The following VRK2 variants were observed in gnomAD, a reference collection of about 807,000 sequenced individuals.
The protein encoded by VRK2 is VRK serine/threonine kinase 2.
Under a neutral mutation model 57.6 loss-of-function variants are expected in VRK2, and 60 were observed. The observed-to-expected ratio is 1.04, with a 90% CI of 0.85 to 1.29. The LOEUF is 1.29. Among genes scored for constraint, VRK2 ranks in the 50% most tolerant of loss-of-function variants. The pLI, the probability that VRK2 is intolerant of heterozygous loss-of-function variation, is 0.00. For synonymous variants in VRK2, 231 were observed against 199.2 expected, an observed-to-expected ratio of 1.16 and a Z score of -1.35; for missense variants, 705 against 588.1, an observed-to-expected ratio of 1.20 and a Z score of -2.06.
chr2:57,983,896 A>G (rs973324341), intron 1 of VRK2, among the ~76,000 whole-genome samples: 6 of 152,164 alleles, frequency 3.9e-5, no homozygotes, highest in African/African-American at 1.4e-4. Flanking sequence ...AAATTAGCCA[A>G]TCAAAGATAA....
intron 12 of VRK2, chr2:58,154,620 A>G (rs1683513820): frequency 1.6e-6 from 1 of 629,174 alleles, no homozygotes; most frequent in South Asian, 2.0e-5. Context: ...CATTCGGTTC[A>G]ATGTATTTTT....
intron 2 of VRK2, among the ~76,000 whole-genome samples, chr2:58,049,556 G>T (rs1219952616): frequency 6.6e-6 from 1 of 152,070 alleles, no homozygotes; most frequent in Non-Finnish European, 1.5e-5. Context: ...GGCTGGATAG[G>T]CCTTTACATT....
chr2:57,916,541 C>G (rs1457199603), intron 1 of VRK2, among the ~76,000 whole-genome samples: 1 of 151,788 alleles, frequency 6.6e-6, no homozygotes, highest in African/African-American at 2.4e-5. Flanking sequence ...TCCTTAAGCC[C>G]AATGATAATA....
chr2:58,056,867 G>A (rs1163221420), intron 2 of VRK2, among the ~76,000 whole-genome samples: 1 of 152,186 alleles, frequency 6.6e-6, no homozygotes, highest in East Asian at 1.9e-4. Flanking sequence ...TGGTAGACTG[G>A]AAGCGAGGAG....
At chr2:57,973,154 C>T (rs1214537944) in intron 1 of VRK2, among the ~76,000 whole-genome samples, 1 of 151,854 alleles carries the variant, frequency 6.6e-6, no homozygotes, top group East Asian at 1.9e-4. Flanking sequence ...TATAAGAGTG[C>T]CTATTTCCTC....
At chr2:58,001,301 G>A (rs1673081560) in intron 1 of VRK2, among the ~76,000 whole-genome samples, 1 of 152,012 alleles carries the variant, frequency 6.6e-6, no homozygotes, top group Admixed American at 6.6e-5. Context: ...AATACTTGTG[G>A]CTATTTCCAC....
At chr2:58,137,803 T>G (rs548932414) in intron 10 of VRK2, among the ~76,000 whole-genome samples, 26 of 152,322 alleles carry the variant, frequency 1.7e-4, no homozygotes, top group African/African-American at 6.0e-4. Context: ...AATTTCATAC[T>G]AAAGGCATTT....
At chr2:58,152,938 G>T (rs1328807774) in intron 12 of VRK2, among the ~76,000 whole-genome samples, 1 of 151,756 alleles carries the variant, frequency 6.6e-6, no homozygotes, top group Non-Finnish European at 1.5e-5. Flanking sequence ...CACCAATTTT[G>T]ACATGTACTC....
chr2:57,937,337 C>T (rs182204036), intron 1 of VRK2, among the ~76,000 whole-genome samples: 1 of 152,124 alleles, frequency 6.6e-6, no homozygotes, highest in African/African-American at 2.4e-5. Context: ...TTCAATAATC[C>T]CACTTTTCTT....
chr2:58,047,180 T>G (rs374137618), intron 1 of VRK2: 4 of 280,778 alleles, frequency 1.4e-5, no homozygotes, highest in Non-Finnish European at 1.6e-5. Flanking sequence ...TGGCGGGAAG[T>G]TGGGGCGCGG....
At chr2:57,962,584 T>G (rs182594840) in intron 1 of VRK2, among the ~76,000 whole-genome samples, 39 of 152,104 alleles carry the variant, frequency 2.6e-4, no homozygotes, top group Non-Finnish European at 1.3e-4. Context: ...CCCTCCATCC[T>G]CAAGTAGGCC....
intron 7 of VRK2, among the ~76,000 whole-genome samples, chr2:58,120,174 T>TTTTTC (rs1558661089): frequency 2.8e-5 from 4 of 142,778 alleles, no homozygotes; most frequent in East Asian, 2.0e-4. Context: ...TGTCTATTTT[T>TTTTTC]TTTTCTTTTC....
In VRK2 at chr2:58,106,158, A is replaced by G. The variant is rs372852657; in HGVS notation, c.543+16435A>G. On this transcript the variant is annotated intron_variant, in intron 7 of 12. Transcript: ENST00000340157. ...TGTGTCTTGATTAGATTGGAAATTGAGAGTATCATAGGTTTTTTCTTATAA... is the reference window on the plus strand; with the variant it reads ...TGTGTCTTGATTAGATTGGAAATTGGGAGTATCATAGGTTTTTTCTTATAA... Among the ~76,000 whole-genome samples, 67 of 152,008 alleles carry G rather than the reference A, an allele frequency of 4.4e-4. No homozygotes were observed. In the East Asian group the frequency reaches 0.011, roughly 25 times the overall value.
intron 1 of VRK2, among the ~76,000 whole-genome samples, chr2:57,952,847 C>G (rs572024459): frequency 6.6e-6 from 1 of 151,880 alleles, no homozygotes; most frequent in African/African-American, 2.4e-5. Context: ...TCCACTGAAA[C>G]CTAAAGTCTG....
Position 57,936,390 on chromosome 2 carries a change from A to C in VRK2, c.-439+28551A>C, listed in dbSNP as rs368025815. Among the ~76,000 whole-genome samples the C allele has an allele frequency of 3.5e-4, 53 of 152,324 alleles. 1 individual carries two copies. The South Asian group carries it at 0.01, about 30-fold the overall frequency. ...ACACTAAATGACTCATAATGTATTCACGTTTCATTTGCCTTACAAAAACCC... is the reference window on the plus strand; with the variant it reads ...ACACTAAATGACTCATAATGTATTCCCGTTTCATTTGCCTTACAAAAACCC... On this transcript the variant is annotated intron_variant, in intron 1 of 15. Transcript: ENST00000417641.
intron 1 of VRK2, among the ~76,000 whole-genome samples, chr2:57,991,329 TA>T (rs1204937741): frequency 3.4e-5 from 5 of 145,110 alleles, no homozygotes; most frequent in South Asian, 4.3e-4. Context: ...GGAACTACAC[TA>T]AAAAAAAGGT....
At chr2:57,977,029 T>C (rs765626654) in intron 1 of VRK2, among the ~76,000 whole-genome samples, 38 of 152,000 alleles carry the variant, frequency 2.5e-4, no homozygotes, top group Non-Finnish European at 5.1e-4. Context: ...GTTTTAGGAG[T>C]GTGGCTTTAT....
intron 4 of VRK2, among the ~76,000 whole-genome samples, chr2:58,085,664 TTAATAAAGTCTTC>T (rs1312681146): frequency 1.3e-5 from 2 of 152,002 alleles, no homozygotes; most frequent in African/African-American, 4.8e-5. Context: ...TTAGTTTTTC[TTAATAAAGTCTTC>T]TAAACATTAA....
At chr2:58,084,738 A>T (rs1671374082) in intron 3 of VRK2, 143 bp from the exon 4 acceptor site, 5 of 523,050 alleles carry the variant, frequency 9.6e-6, no homozygotes, top group Non-Finnish European at 9.9e-6. Flanking sequence ...TTTTAGTGGA[A>T]ATCTGGTGCC....
Sources: allele counts gnomAD v4.1 joint callset (sites outside exome capture counted in the v4.1 genomes callset), GRCh38; gene constraint gnomAD v4.1.1; transcripts MANE v1.5; gene names NCBI Gene and HGNC (gene_info 2026-07-23, HGNC 2026-07-21).